The following TAFA2 variants were observed in gnomAD, a reference collection of about 807,000 sequenced individuals.
TAFA2 encodes the protein TAFA chemokine like family member 2, also known as chemokine-like protein TAFA-2.
TAFA2 carries 7 observed loss-of-function variants against 18.8 expected under a neutral mutation model. The observed-to-expected ratio is 0.37, with a 90% confidence interval of 0.21 to 0.70. The LOEUF (loss-of-function observed/expected upper bound fraction) is 0.70, where lower values mean the gene tolerates loss of function less well. Ranked by LOEUF, TAFA2 falls within the 30% of genes least tolerant of loss-of-function variation. The pLI is 0.53. For missense variants in TAFA2, 122 were observed against 158.1 expected (o/e 0.77, Z 1.23); for synonymous variants, 60 against 54.2 (o/e 1.11, Z -0.47).
intron 1 of TAFA2, chr12:62,021,825 A>C: frequency 2.4e-6 from 2 of 830,306 alleles, no homozygotes; most frequent in South Asian, 2.6e-5. Context: ...TCCGCTGTGG[A>C]TCATCAGGCC....
rs543249363 is a variant in TAFA2 at position 62,213,547 on chromosome 12, G to A, written c.-130+45216C>T. Among the ~76,000 whole-genome samples the A allele has an allele frequency of 2.6e-5, 4 of 151,858 alleles. No individual in the cohort carries two copies. In the East Asian group the frequency reaches 7.8e-4, roughly 30 times the overall value. On this transcript the variant is annotated intron_variant, in intron 1 of 5. Coordinates refer to the TAFA2 transcript ENST00000551619. ...AGTCCCAGCTGCTCAGGAGGCTAAG[G>A]CAGGAGAATCACTTGAACCCATGAA...
chr12:61,983,383 G>GTTTGTTTTGTTTTGTTTTGT (rs10524394), intron 1 of TAFA2, among the ~76,000 whole-genome samples: 5 of 146,642 alleles, frequency 3.4e-5, no homozygotes, highest in Admixed American at 6.9e-5. Flanking sequence ...CTGGGATTCT[G>GTTTGTTTTGTTTTGTTTTGT]TTTGTTTTGT....
intron 1 of TAFA2, among the ~76,000 whole-genome samples, chr12:62,010,080 G>A (rs1219648309): frequency 5.3e-5 from 8 of 151,800 alleles, no homozygotes; most frequent in Non-Finnish European, 4.4e-5. Context: ...TGTACTATAG[G>A]TTTACTTTTC....
intron 1 of TAFA2, among the ~76,000 whole-genome samples, chr12:62,049,327 A>G (rs918789478): frequency 1.3e-5 from 2 of 152,218 alleles, no homozygotes; most frequent in African/African-American, 2.4e-5. Flanking sequence ...TTCATGTGAG[A>G]TGATGCATTC....
At chr12:62,125,982 T>A (rs73125818) in intron 1 of TAFA2, among the ~76,000 whole-genome samples, 19,236 of 152,086 alleles carry the variant, frequency 0.13, 1,556 homozygotes, top group Non-Finnish European at 0.18. Flanking sequence ...ATATAATAAA[T>A]TTTTTTCGCA....
intron 1 of TAFA2, among the ~76,000 whole-genome samples, chr12:62,237,247 C>T (rs1418107655): frequency 6.6e-6 from 1 of 152,210 alleles, no homozygotes; most frequent in Non-Finnish European, 1.5e-5. Context: ...GTGGCTCACG[C>T]CTGTAATCCC....
chr12:61,830,112 T>A (rs1040397715), intron 2 of TAFA2, among the ~76,000 whole-genome samples: 30 of 151,482 alleles, frequency 2.0e-4, no homozygotes, highest in Non-Finnish European at 4.4e-5. Context: ...CACCTGTATC[T>A]ACCAATGGTT....
At chr12:61,860,210 C>A (rs1212222064) in intron 2 of TAFA2, among the ~76,000 whole-genome samples, 1 of 152,138 alleles carries the variant, frequency 6.6e-6, no homozygotes, top group African/African-American at 2.4e-5. Context: ...TTATGGGTAA[C>A]TTGATTTCTC....
intron 1 of TAFA2, among the ~76,000 whole-genome samples, chr12:62,203,408 C>T (rs1316766570): frequency 6.6e-5 from 10 of 152,160 alleles, no homozygotes; most frequent in East Asian, 1.9e-4. Flanking sequence ...TTTTCTGTCT[C>T]GATCATCTGT....
chr12:61,840,455 T>C (rs1018286599), intron 2 of TAFA2, among the ~76,000 whole-genome samples: 1 of 152,000 alleles, frequency 6.6e-6, no homozygotes, highest in African/African-American at 2.4e-5. Flanking sequence ...GCTTATATAT[T>C]AAATATCCAC....
chr12:62,110,626 T>TTTTC (rs1056648378), intron 1 of TAFA2, among the ~76,000 whole-genome samples: 2 of 150,052 alleles, frequency 1.3e-5, no homozygotes, highest in African/African-American at 4.9e-5. Context: ...TTTTTTTTTT[T>TTTTC]TTTTTGGTTG....
intron 1 of TAFA2, among the ~76,000 whole-genome samples, chr12:62,204,730 T>C (rs1026991005): frequency 6.6e-5 from 10 of 152,156 alleles, no homozygotes; most frequent in African/African-American, 2.4e-4. Flanking sequence ...TTCTGTCATG[T>C]TTTATCATGG....
At chr12:61,851,212 G>A (rs1340806694) in intron 2 of TAFA2, among the ~76,000 whole-genome samples, 1 of 152,018 alleles carries the variant, frequency 6.6e-6, no homozygotes, top group Admixed American at 6.5e-5. Flanking sequence ...AGGGGCCATG[G>A]GACCATATAA....
intron 1 of TAFA2, among the ~76,000 whole-genome samples, chr12:62,013,564 G>A (rs764199948): frequency 6.6e-6 from 1 of 152,126 alleles, no homozygotes; most frequent in Non-Finnish European, 1.5e-5. Context: ...CAGCATGGTG[G>A]CTCTGTTGGA....
intron 1 of TAFA2, among the ~76,000 whole-genome samples, chr12:62,095,917 A>T (rs1303078840): frequency 6.6e-6 from 1 of 152,158 alleles, no homozygotes; most frequent in East Asian, 1.9e-4. Flanking sequence ...AATCTAAAGG[A>T]TGAGAAGGAG....
In TAFA2 at chr12:62,011,772, AAAG is replaced by A. The variant is rs1233056755; in HGVS notation, c.-1-144349_-1-144347del. Among the ~76,000 whole-genome samples, 13 of 151,788 alleles carry A rather than the reference AAAG, an allele frequency of 8.6e-5. No individual in the cohort carries two copies. The East Asian group carries it at 2.1e-3, about 25-fold the overall frequency. On this transcript the variant is annotated intron_variant, in intron 1 of 4. Transcript: ENST00000416284. ...ATACTAAAAAAAAAAAAAAAAAAGA[AAAG>A]AAACTGTAGTATAAGGTAGCCAGTG...
chr12:62,009,155 G>A (rs1179455831), intron 1 of TAFA2, among the ~76,000 whole-genome samples: 1 of 152,056 alleles, frequency 6.6e-6, no homozygotes, highest in Non-Finnish European at 1.5e-5. Flanking sequence ...ATAATTTCAG[G>A]TGTTTATAGC....
At position 61,881,069 on chromosome 12, in the gene TAFA2, A is replaced by G. The variant is rs545818042; in HGVS notation, c.-1-13643T>C. 3.9e-5 allele frequency among the ~76,000 whole-genome samples: 6 copies of G among 152,114 alleles called. No homozygotes were observed. The East Asian group carries it at 1.2e-3, about 29-fold the overall frequency. ...TCTAATGTCATATTTCCATAATATAAAATAGAATATGTTAAAATAATTCCT... is the reference window on the plus strand; with the variant it reads ...TCTAATGTCATATTTCCATAATATAGAATAGAATATGTTAAAATAATTCCT... On this transcript the variant is annotated intron_variant, in intron 1 of 4. Coordinates refer to ENST00000416284, the MANE Select transcript of TAFA2 (RefSeq NM_178539.5).
chr12:62,064,017 C>A (rs1049810383), intron 1 of TAFA2, among the ~76,000 whole-genome samples: 1 of 151,980 alleles, frequency 6.6e-6, no homozygotes, highest in Non-Finnish European at 1.5e-5. Flanking sequence ...ATGGTAGGTG[C>A]TTAATATATA....
Sources: allele counts gnomAD v4.1 joint callset (sites outside exome capture counted in the v4.1 genomes callset), GRCh38; gene constraint gnomAD v4.1.1; transcripts MANE v1.5; gene names NCBI Gene and HGNC (gene_info 2026-07-23, HGNC 2026-07-21).